PPM1B: variants seen among roughly 807,000 people sequenced by gnomAD.
PPM1B encodes protein phosphatase, Mg2+/Mn2+ dependent 1B.
PPM1B carries 22 observed loss-of-function variants against 43.0 expected under a neutral mutation model. The ratio of observed to expected loss-of-function variants is 0.51; its 90% confidence interval spans 0.37 to 0.73. The LOEUF is 0.73. PPM1B is among the 30% of genes least tolerant of loss of function. PPM1B has a pLI of 0.00. For missense variants in PPM1B, 632 were observed against 584.2 expected (o/e 1.08, Z -0.84); for synonymous variants, 217 against 197.9 (o/e 1.10, Z -0.81).
chr2:44,220,706 G>C (rs1031417051), intron 5 of PPM1B, among the ~76,000 whole-genome samples: 1 of 152,180 alleles, frequency 6.6e-6, no homozygotes, highest in African/African-American at 2.4e-5. Context: ...GTATAGCTTG[G>C]TAACAAATAA....
exon 6 of PPM1B, chr2:44,244,315 A>G (rs749970099): frequency 7.3e-7 from 1 of 1,361,844 alleles, no homozygotes; most frequent in Non-Finnish European, 9.8e-7. Context: ...CCAAGCACTC[A>G]GAAGCACGCG....
chr2:44,210,866 G>A (rs1202638736), intron 3 of PPM1B, among the ~76,000 whole-genome samples: 1 of 152,090 alleles, frequency 6.6e-6, no homozygotes, highest in African/African-American at 2.4e-5. Context: ...GACCCAGCAC[G>A]GTGGCTCACA....
intron 1 of PPM1B, among the ~76,000 whole-genome samples, chr2:44,186,800 G>C (rs1363673600): frequency 1.3e-5 from 2 of 152,180 alleles, no homozygotes; most frequent in Non-Finnish European, 2.9e-5. Context: ...GAGAAGTCTC[G>C]TGCTATTTGG....
downstream of PPM1B, among the ~76,000 whole-genome samples, chr2:44,238,252 G>T (rs1222826427): frequency 6.6e-6 from 1 of 152,008 alleles, no homozygotes; most frequent in Non-Finnish European, 1.5e-5. Context: ...ATGATATAGA[G>T]TACCATGGGG....
intron 2 of PPM1B, among the ~76,000 whole-genome samples, chr2:44,203,839 G>A (rs1177263637): frequency 1.3e-5 from 2 of 152,182 alleles, no homozygotes; most frequent in African/African-American, 2.4e-5. Flanking sequence ...GTTTGTGTTA[G>A]TAGATTAACT....
chr2:44,202,881 A>G (rs1016609608), intron 2 of PPM1B, among the ~76,000 whole-genome samples: 6 of 152,190 alleles, frequency 3.9e-5, no homozygotes, highest in African/African-American at 9.6e-5. Flanking sequence ...GACAGCATCT[A>G]TATATAATTC....
intron 1 of PPM1B, among the ~76,000 whole-genome samples, chr2:44,175,623 T>C (rs1258728394): frequency 6.6e-6 from 1 of 152,192 alleles, no homozygotes; most frequent in East Asian, 1.9e-4. Flanking sequence ...GTGGAAGATT[T>C]GGGGTGTGTG....
intron 1 of PPM1B, among the ~76,000 whole-genome samples, chr2:44,178,528 T>C (rs1667704700): frequency 6.6e-6 from 1 of 151,060 alleles, no homozygotes; most frequent in South Asian, 2.1e-4. Flanking sequence ...AGTGCAATGA[T>C]GCAATCTTGG....
At chr2:44,234,630 G>T (rs940962191), downstream of PPM1B, 1 of 984,934 alleles carries the variant, frequency 1.0e-6, no homozygotes, top group Non-Finnish European at 1.2e-6. Flanking sequence ...CCCATATTCA[G>T]TGTTGACTCA....
downstream of PPM1B, among the ~76,000 whole-genome samples, chr2:44,239,504 A>G (rs1670700517): frequency 6.6e-6 from 1 of 151,912 alleles, no homozygotes; most frequent in Non-Finnish European, 1.5e-5. Flanking sequence ...CTTGTTTAGG[A>G]AATCATCCTC....
chr2:44,209,374 C>G, intron 3 of PPM1B, 47 bp downstream of exon 3: 1 of 1,598,508 alleles, frequency 6.3e-7, no homozygotes, highest in East Asian at 2.2e-5. Context: ...GGCACGGTAG[C>G]TCATGCCTGT....
At chr2:44,177,764 G>GT (rs1667653616) in intron 1 of PPM1B, among the ~76,000 whole-genome samples, 1 of 151,410 alleles carries the variant, frequency 6.6e-6, no homozygotes, top group Non-Finnish European at 1.5e-5. Flanking sequence ...TTTAAGAGGT[G>GT]TATGTACATG....
rs144540268 is a variant in PPM1B, at chr2:44,189,283, C to A, written c.-14-11903C>A. Among the ~76,000 whole-genome samples the A allele has an allele frequency of 3.0e-3, 450 of 152,242 alleles. 1 individual carries two copies. The highest frequency in any genetic ancestry group is 0.01 in the African/African-American group (436 of 41,532). The stretch of plus-strand genomic sequence containing the variant: ...CTTGAGAAAAGACAGAACACTTCTG[C>A]TTTTTGTCTGTATGAGAGGAGACTG... On this transcript the variant is annotated intron_variant, in intron 1 of 5. Coordinates refer to ENST00000282412, the MANE Select transcript of PPM1B (RefSeq NM_002706.6).
intron 2 of PPM1B, among the ~76,000 whole-genome samples, chr2:44,203,588 G>A (rs765060624): frequency 6.6e-6 from 1 of 152,124 alleles, no homozygotes; most frequent in Non-Finnish European, 1.5e-5. Context: ...TTGTTGTGGT[G>A]TATATTGTTC....
downstream of PPM1B, among the ~76,000 whole-genome samples, chr2:44,239,284 C>T (rs574133007): frequency 6.6e-6 from 1 of 151,550 alleles, no homozygotes. Flanking sequence ...TATATATTGG[C>T]CATTTGAGTT....
At position 44,230,980 on chromosome 2, in the gene PPM1B, A is replaced by C. The variant is rs1252920995; in HGVS notation, c.*262A>C. 2 of 1,066,342 alleles carry C rather than the reference A, an allele frequency of 1.9e-6. No homozygotes were observed. The highest frequency in any genetic ancestry group is 2.3e-6 in the Non-Finnish European group (2 of 864,804). The allele number at this position is 1,066,342 out of a possible 1,614,324, so 66.1% of individuals were successfully genotyped here. A position where few individuals can be genotyped will look rare whatever the true frequency, so the allele number is the denominator to read the frequency against. Reference sequence around the variant, plus strand: ...GAAATTAGGCTACCAATTATGAATTAAAGTCAGTAGTTAAATTAATACTAG... The same window carrying C: ...GAAATTAGGCTACCAATTATGAATTCAAGTCAGTAGTTAAATTAATACTAG... On this transcript the variant is annotated 3_prime_UTR_variant, in exon 6 of 6. Transcript: ENST00000282412.
exon 6 of PPM1B, chr2:44,244,327 A>G (rs753546106): frequency 7.3e-7 from 1 of 1,361,862 alleles, no homozygotes; most frequent in Non-Finnish European, 9.8e-7. Context: ...AAGCACGCGG[A>G]CAAAAAGGTT....
At chr2:44,202,451 A>G (rs1376065455) in intron 2 of PPM1B, among the ~76,000 whole-genome samples, 1 of 152,248 alleles carries the variant, frequency 6.6e-6, no homozygotes, top group Non-Finnish European at 1.5e-5. Context: ...TGGAAGATGT[A>G]CTAGATGCCT....
intron 3 of PPM1B, among the ~76,000 whole-genome samples, chr2:44,210,586 C>A (rs533394422): frequency 2.6e-4 from 40 of 152,010 alleles, no homozygotes; most frequent in Non-Finnish European, 1.5e-5. Context: ...ATGTAGTGTC[C>A]TTTACCTAGA....
Sources: gnomAD v4.1 joint callset for allele counts (sites outside exome capture counted in the v4.1 genomes callset) on GRCh38, gnomAD v4.1.1 for gene constraint, MANE v1.5 for transcripts, NCBI Gene and HGNC (gene_info 2026-07-23, HGNC 2026-07-21) for gene names.